The following HS6ST3 variants were observed in gnomAD, a reference collection of about 807,000 sequenced individuals.
HS6ST3 encodes the protein heparan-sulfate 6-O-sulfotransferase 3.
HS6ST3 carries 12 observed loss-of-function variants against 36.7 expected under a neutral mutation model. The ratio of observed to expected loss-of-function variants is 0.33; its 90% CI spans 0.21 to 0.53. The LOEUF (loss-of-function observed/expected upper bound fraction) is 0.53. Ranked by LOEUF, HS6ST3 falls within the 20% of genes least tolerant of loss-of-function variation. The pLI is 0.95. For missense variants in HS6ST3, 584 were observed against 640.9 expected (o/e 0.91, Z 0.96); for synonymous variants, 240 against 257.5 (o/e 0.93, Z 0.65).
At chr13:96,798,256 C>G (rs773105369) in intron 1 of HS6ST3, among the ~76,000 whole-genome samples, 10 of 152,086 alleles carry the variant, frequency 6.6e-5, no homozygotes, top group Non-Finnish European at 1.2e-4. Context: ...GCTCCCCAAA[C>G]ACTGTCTTTG....
At chr13:96,253,691 C>A (rs1489368814) in intron 1 of HS6ST3, among the ~76,000 whole-genome samples, 1 of 152,202 alleles carries the variant, frequency 6.6e-6, no homozygotes, top group Non-Finnish European at 1.5e-5. Flanking sequence ...TTCCCCCTGG[C>A]AGCAGACAGT....
chr13:96,813,566 A>T (rs1485680895), intron 1 of HS6ST3, among the ~76,000 whole-genome samples: 2 of 152,172 alleles, frequency 1.3e-5, no homozygotes, highest in Admixed American at 6.5e-5. Flanking sequence ...CACTGTGGAA[A>T]ATGAGGAAAT....
At chr13:96,204,796 T>C (rs1267371039) in intron 1 of HS6ST3, among the ~76,000 whole-genome samples, 1 of 152,104 alleles carries the variant, frequency 6.6e-6, no homozygotes, top group Non-Finnish European at 1.5e-5. Context: ...TGGAAACTAA[T>C]GAGAACAGAG....
intron 1 of HS6ST3, among the ~76,000 whole-genome samples, chr13:96,402,152 T>C (rs1042726439): frequency 3.9e-5 from 6 of 152,204 alleles, no homozygotes; most frequent in African/African-American, 1.4e-4. Flanking sequence ...TTTAGGCCTC[T>C]TTAAGGTTGA....
chr13:96,141,179 G>A (rs1003925838), intron 1 of HS6ST3, among the ~76,000 whole-genome samples: 2 of 152,164 alleles, frequency 1.3e-5, no homozygotes, highest in Admixed American at 1.3e-4. Context: ...GATGAGGACC[G>A]AATTTACAAA....
intron 1 of HS6ST3, among the ~76,000 whole-genome samples, chr13:96,586,038 G>A (rs1181014077): frequency 6.6e-6 from 1 of 151,958 alleles, no homozygotes; most frequent in Admixed American, 6.6e-5. Context: ...AAGTATATAA[G>A]GGTTTATTTT....
chr13:96,586,113 A>G (rs187083598), intron 1 of HS6ST3, among the ~76,000 whole-genome samples: 10 of 152,194 alleles, frequency 6.6e-5, no homozygotes, highest in Admixed American at 3.9e-4. Context: ...AACAGTCATT[A>G]TCTTGTTAGG....
chr13:96,531,690 C>G (rs1363788824), intron 1 of HS6ST3, among the ~76,000 whole-genome samples: 2 of 152,142 alleles, frequency 1.3e-5, no homozygotes, highest in Non-Finnish European at 2.9e-5. Context: ...TCATGAAAGC[C>G]AAATGAGACA....
intron 1 of HS6ST3, among the ~76,000 whole-genome samples, chr13:96,755,659 A>C (rs1750448116): frequency 6.6e-6 from 1 of 152,144 alleles, no homozygotes; most frequent in Non-Finnish European, 1.5e-5. Flanking sequence ...CACCACACCC[A>C]GCTAATAGTT....
chr13:96,580,825 G>C, intron 1 of HS6ST3, among the ~76,000 whole-genome samples: 1 of 152,036 alleles, frequency 6.6e-6, no homozygotes, highest in South Asian at 2.1e-4. Flanking sequence ...CAAACCCACA[G>C]AATGCTTTAT....
At chr13:96,214,784 A>C (rs2054416073) in intron 1 of HS6ST3, among the ~76,000 whole-genome samples, 1 of 152,058 alleles carries the variant, frequency 6.6e-6, no homozygotes, top group Non-Finnish European at 1.5e-5. Context: ...TAAAAACAGA[A>C]ATCAAGCAGT....
chr13:96,619,347 C>A (rs2056485653), intron 1 of HS6ST3, among the ~76,000 whole-genome samples: 2 of 152,082 alleles, frequency 1.3e-5, no homozygotes, highest in South Asian at 4.1e-4. Flanking sequence ...TCTATGACTT[C>A]TTTTCAGTTA....
At chr13:96,602,673 T>C (rs556439361) in intron 1 of HS6ST3, among the ~76,000 whole-genome samples, 1 of 152,300 alleles carries the variant, frequency 6.6e-6, no homozygotes, top group South Asian at 2.1e-4. Flanking sequence ...AGAGATCAAG[T>C]TCGCCATACT....
intron 1 of HS6ST3, among the ~76,000 whole-genome samples, chr13:96,437,594 A>T (rs1470463490): frequency 2.0e-5 from 3 of 152,224 alleles, no homozygotes; most frequent in Admixed American, 6.5e-5. Context: ...TCATGATGAT[A>T]TGGGGTAAAA....
At chr13:96,560,544 A>C (rs950262249) in intron 1 of HS6ST3, among the ~76,000 whole-genome samples, 4 of 152,174 alleles carry the variant, frequency 2.6e-5, no homozygotes, top group African/African-American at 9.7e-5. Flanking sequence ...CAAGAGAAAG[A>C]AGTAAAAATT....
chr13:96,188,051 T>C (rs1360800349), intron 1 of HS6ST3, among the ~76,000 whole-genome samples: 1 of 152,146 alleles, frequency 6.6e-6, no homozygotes, highest in African/African-American at 2.4e-5. Context: ...AACAGACATA[T>C]GTTTATTTTC....
intron 1 of HS6ST3, among the ~76,000 whole-genome samples, chr13:96,149,546 C>T (rs1055028389): frequency 6.6e-6 from 1 of 152,172 alleles, no homozygotes; most frequent in Non-Finnish European, 1.5e-5. Flanking sequence ...GCCAGTGACT[C>T]AGGGCATCAG....
At chr13:96,759,608 A>G (rs972861617) in intron 1 of HS6ST3, among the ~76,000 whole-genome samples, 1 of 151,946 alleles carries the variant, frequency 6.6e-6, no homozygotes, top group Non-Finnish European at 1.5e-5. Flanking sequence ...TATATTTTAA[A>G]TCTACATATG....
chr13:96,679,527 C>T lies in HS6ST3; in HGVS notation c.708-152963C>T, dbSNP rs559048695. ...TCCTTTTATTTACTCTCCTGTTTCT[C>T]ATCCCTCACCATCACCCATGCTTTA... On this transcript the variant is annotated intron_variant, in intron 1 of 1. Transcript: ENST00000376705. Among the ~76,000 whole-genome samples the T allele has an allele frequency of 5.3e-5, 8 of 152,246 alleles. No individual in the cohort carries two copies. The South Asian group carries it at 1.5e-3, about 28-fold the overall frequency.
Sources: gnomAD v4.1 joint callset for allele counts (sites outside exome capture counted in the v4.1 genomes callset) on GRCh38, gnomAD v4.1.1 for gene constraint, MANE v1.5 for transcripts, NCBI Gene and HGNC (gene_info 2026-07-23, HGNC 2026-07-21) for gene names.